ITPR1: variants seen among roughly 807,000 people sequenced by gnomAD.
ITPR1 encodes the protein inositol 1,4,5-trisphosphate receptor type 1, also known as inositol 1,4,5-trisphosphate-gated calcium channel ITPR1.
Under a neutral mutation model 318.4 loss-of-function variants are expected in ITPR1, and 96 were observed. The ratio of observed to expected loss-of-function variants is 0.30; its 90% CI spans 0.26 to 0.36. The LOEUF (loss-of-function observed/expected upper bound fraction) is 0.36. Ranked by LOEUF, ITPR1 falls within the 10% of genes least tolerant of loss-of-function variation. The pLI is 1.00. For missense variants in ITPR1, 2,440 were observed against 3,460.2 expected, an observed-to-expected ratio of 0.71 and a Z score of 7.40; for synonymous variants, 1,312 against 1,289.9, an observed-to-expected ratio of 1.02 and a Z score of -0.37.
At chr3:4,499,541 TACAC>T (rs1457313438) in intron 2 of ITPR1, among the ~76,000 whole-genome samples, 1 of 152,202 alleles carries the variant, frequency 6.6e-6, no homozygotes, top group Admixed American at 6.5e-5. Context: ...ATTTTACACA[TACAC>T]GTATTTAACA....
At chr3:4,497,975 A>G (rs1376040064) in intron 2 of ITPR1, among the ~76,000 whole-genome samples, 2 of 152,250 alleles carry the variant, frequency 1.3e-5, no homozygotes, top group African/African-American at 2.4e-5. Context: ...GATTTTTCTT[A>G]TAGAGGCATC....
chr3:4,720,156 G>A (rs1350028454), intron 40 of ITPR1, among the ~76,000 whole-genome samples: 2 of 152,188 alleles, frequency 1.3e-5, no homozygotes, highest in African/African-American at 4.8e-5. Flanking sequence ...TTACGTCCAG[G>A]GGGATTTGGA....
chr3:4,596,762 G>A (rs927162825), intron 4 of ITPR1, among the ~76,000 whole-genome samples: 2 of 152,144 alleles, frequency 1.3e-5, no homozygotes, highest in Admixed American at 6.5e-5. Context: ...GTATACCCTG[G>A]CAGTGTTTAA....
chr3:4,614,322 T>C (rs2092296794), intron 4 of ITPR1, among the ~76,000 whole-genome samples: 1 of 152,210 alleles, frequency 6.6e-6, no homozygotes, highest in South Asian at 2.1e-4. Flanking sequence ...CAGTAGCTTG[T>C]TTTTCATTGC....
chr3:4,796,607 T>A (rs1174218538), intron 53 of ITPR1, among the ~76,000 whole-genome samples: 1 of 152,248 alleles, frequency 6.6e-6, no homozygotes, highest in Non-Finnish European at 1.5e-5. Context: ...GATTTTATTA[T>A]TCGCCACGTC....
chr3:4,529,244 G>A (rs540539778), intron 4 of ITPR1, among the ~76,000 whole-genome samples: 1 of 152,250 alleles, frequency 6.6e-6, no homozygotes, highest in South Asian at 2.1e-4. Flanking sequence ...AGTTGCTAAT[G>A]GAGAACCATT....
chr3:4,535,518 C>A (rs2083787550), intron 4 of ITPR1, among the ~76,000 whole-genome samples: 1 of 143,926 alleles, frequency 6.9e-6, no homozygotes, highest in Non-Finnish European at 1.5e-5. Context: ...TCTCGGCTCA[C>A]TCCAAGCTCC....
At chr3:4,523,859 G>A (rs2082757571) in intron 4 of ITPR1, among the ~76,000 whole-genome samples, 1 of 152,192 alleles carries the variant, frequency 6.6e-6, no homozygotes. Flanking sequence ...CTGGTGCTTG[G>A]ATGTATGTAT....
At chr3:4,830,560 C>T (rs1366066725) in intron 60 of ITPR1, among the ~76,000 whole-genome samples, 1 of 152,272 alleles carries the variant, frequency 6.6e-6, no homozygotes, top group South Asian at 2.1e-4. Flanking sequence ...CCTCCTCCTC[C>T]TGACATTTTC....
chr3:4,783,439 G>C (rs1559888162), intron 50 of ITPR1, among the ~76,000 whole-genome samples: 1 of 152,110 alleles, frequency 6.6e-6, no homozygotes, highest in Non-Finnish European at 1.5e-5. Context: ...CCACCCACTG[G>C]TTAAAGAATT....
Position 4,673,282 on chromosome 3 carries a change from G to A in ITPR1, c.2351G>A (p.Arg784His), listed in dbSNP as rs749564517. The change falls in exon 21 of 62, where the codon CGC (arginine) becomes CAC (histidine). Residue 784 changes from arginine to histidine, a missense_variant. Physicochemically the swap from Arg to His is conservative, Grantham distance 29. Transcript: ENST00000649015. The part of the protein sequence containing the change: ...LPYDLRASFC[R>H]LMLHMHVDRD... ...TATGACCTCAGGGCGTCCTTCTGCC[G>A]CCTCATGCTTCACATGCATGTGGAC... 7.4e-6 allele frequency: 12 copies of A among 1,613,850 alleles called. No homozygotes were observed. The highest frequency in any genetic ancestry group is 2.2e-5 in the South Asian group (2 of 91,074).
chr3:4,699,944 A>G lies in ITPR1; in HGVS notation c.4536+3A>G. 6.2e-7 allele frequency: 1 copy of G among 1,612,296 alleles called. No homozygotes were observed. The highest frequency in any genetic ancestry group is 8.5e-7 in the Non-Finnish European group (1 of 1,178,546). ...CAGACCAGAGTACGACTTTGCAGGT[A>G]AGAAATAACCAACGTCAAGCAGAAT... On this transcript the variant is annotated splice_donor_region_variant and intron_variant, in intron 35 of 61. Transcript: ENST00000649015.
intron 4 of ITPR1, among the ~76,000 whole-genome samples, chr3:4,589,671 G>A (rs2090218670): frequency 6.6e-6 from 1 of 151,922 alleles, no homozygotes; most frequent in Admixed American, 6.6e-5. Context: ...GTCATCCTGT[G>A]CCTGCTTTAA....
intron 4 of ITPR1, among the ~76,000 whole-genome samples, chr3:4,577,774 C>T (rs1018584287): frequency 2.6e-5 from 4 of 152,168 alleles, no homozygotes; most frequent in Admixed American, 6.5e-5. Flanking sequence ...TTCTTGACTT[C>T]GCCAACTGTC....
chr3:4,662,655 G>A (rs1375938904), intron 15 of ITPR1, among the ~76,000 whole-genome samples: 5 of 152,104 alleles, frequency 3.3e-5, no homozygotes, highest in Non-Finnish European at 5.9e-5. Flanking sequence ...CCCAGGAGGC[G>A]GAGGTTATAG....
rs576089198 is a variant in ITPR1, at chr3:4,622,660, G to A, written c.164-5103G>A. Among the ~76,000 whole-genome samples, 3 of 152,278 alleles carry A rather than the reference G, an allele frequency of 2.0e-5. No individual in the cohort carries two copies. In the East Asian group the frequency reaches 5.8e-4, roughly 29 times the overall value. On this transcript the variant is annotated intron_variant, in intron 4 of 61. Transcript: ENST00000649015. ...CATCTCTTGACCTCGTGATCCTCCT[G>A]TCTCGGCCTCCCAAAGTCCTGGGCT...
intron 10 of ITPR1, among the ~76,000 whole-genome samples, chr3:4,649,217 C>A (rs192682914): frequency 7.7e-4 from 117 of 152,270 alleles, no homozygotes; most frequent in African/African-American, 2.8e-3. Context: ...AATGTGCCTA[C>A]TTCCATTGAG....
At chr3:4,583,424 G>A (rs1475009387) in intron 4 of ITPR1, among the ~76,000 whole-genome samples, 1 of 152,076 alleles carries the variant, frequency 6.6e-6, no homozygotes, top group Non-Finnish European at 1.5e-5. Context: ...TAGCAGCTTC[G>A]TGGGTTTGAA....
intron 37 of ITPR1, among the ~76,000 whole-genome samples, chr3:4,708,946 A>G (rs17762542): frequency 0.15 from 22,942 of 152,220 alleles, 2,361 homozygotes; most frequent in Non-Finnish European, 0.23. Flanking sequence ...TGATTGCTGA[A>G]TGCTATACAT....
Sources: allele counts gnomAD v4.1 joint callset (sites outside exome capture counted in the v4.1 genomes callset), GRCh38; gene constraint gnomAD v4.1.1; transcripts MANE v1.5; gene names NCBI Gene and HGNC (gene_info 2026-07-23, HGNC 2026-07-21).